GNB5: variants seen among roughly 807,000 people sequenced by gnomAD.
GNB5 encodes the protein guanine nucleotide-binding protein subunit beta-5.
In GNB5, 37 loss-of-function variants were observed where a neutral mutation model predicts 55.3. The observed-to-expected ratio is 0.67, with a 90% CI of 0.51 to 0.88. The LOEUF is 0.88. Among genes scored for constraint, GNB5 ranks in the 40% least tolerant of loss-of-function variants. The pLI is 0.00. For missense variants in GNB5, 476 were observed against 515.3 expected, an observed-to-expected ratio of 0.92 and a Z score of 0.74; for synonymous variants, 219 against 198.5, an observed-to-expected ratio of 1.10 and a Z score of -0.87.
Position 52,184,561 on chromosome 15 carries a change from C to T in GNB5, c.116G>A (p.Cys39Tyr). 6.2e-7 allele frequency: 1 copy of T among 1,613,514 alleles called. No individual in the cohort carries two copies. Among genetic ancestry groups the T allele is most frequent in the Non-Finnish European group, 8.5e-7 (1 of 1,179,586 alleles). Reference protein sequence around the residue: ...KSQQLSYCSTCAEIMATEGLH... With the variant: ...KSQQLSYCSTYAEIMATEGLH... ...TTAAGTGGCACTTACAATTTCTGCA[C>T]ATGTTGAACAGTAGCTGAGTTGTTG... is the stretch of plus-strand genomic sequence containing the variant. The change falls in exon 2 of 13, where the codon TGT (cysteine) becomes TAT (tyrosine). Residue 39 changes from cysteine to tyrosine, a missense_variant. By Grantham distance (194) the Cys-to-Tyr change is radical. Coordinates refer to ENST00000261837, the MANE Select transcript of GNB5 (RefSeq NM_016194.4).
rs375897043 is a variant in GNB5, at chr15:52,128,266, T to C, written c.864-22A>G. On this transcript the variant is annotated intron_variant, in intron 9 of 12. Transcript: ENST00000261837. ...GTACCTGCAGAGAGAAAGTACTTTA[T>C]CTACGGTTGTGACTCCTGACCCTGG... The C allele has an allele frequency of 5.7e-6, 9 of 1,567,402 alleles. No individual in the cohort carries two copies. In the African/African-American group the frequency reaches 1.2e-4, roughly 21 times the overall value.
At chr15:52,127,086 C>T (rs546999458) in intron 10 of GNB5, among the ~76,000 whole-genome samples, 32 of 152,260 alleles carry the variant, frequency 2.1e-4, no homozygotes, top group Middle Eastern at 3.4e-3. Context: ...CATGAACCAC[C>T]GTGCCTGGCC....
chr15:52,177,175 C>T (rs1452535214), intron 3 of GNB5, among the ~76,000 whole-genome samples: 1 of 151,480 alleles, frequency 6.6e-6, no homozygotes, highest in Non-Finnish European at 1.5e-5. Context: ...GCTGAGATTA[C>T]AGGCACCTGC....
chr15:52,179,395 G>T (rs2034716538), intron 3 of GNB5, among the ~76,000 whole-genome samples: 1 of 152,200 alleles, frequency 6.6e-6, no homozygotes, highest in Non-Finnish European at 1.5e-5. Context: ...GCGCCTACAC[G>T]GGCTCGCCGC....
intron 3 of GNB5, among the ~76,000 whole-genome samples, chr15:52,161,167 G>C (rs1242463804): frequency 2.0e-5 from 3 of 152,120 alleles, no homozygotes; most frequent in African/African-American, 4.8e-5. Flanking sequence ...GGATCCCTAA[G>C]AACATTTACA....
chr15:52,180,271 C>T (rs2034746129), intron 2 of GNB5: 1 of 155,904 alleles, frequency 6.4e-6, no homozygotes, highest in Non-Finnish European at 1.4e-5. Context: ...GCCCCCGCGA[C>T]ATGGCCCTCC....
intron 1 of GNB5, among the ~76,000 whole-genome samples, chr15:52,187,988 G>T (rs2034870057): frequency 6.6e-6 from 1 of 151,646 alleles, no homozygotes. Context: ...ATAAATAAGT[G>T]GAAACAGAAG....
Position 52,118,055 on chromosome 15 carries a change from C to T in GNB5, c.*4702G>A, listed in dbSNP as rs745644569. Reference sequence around the variant, plus strand: ...TTGAAAGGATTTTCAGGTCACAGGCCTCAGCTGGTCCCTAGCCCTTCCGAC... The same window carrying T: ...TTGAAAGGATTTTCAGGTCACAGGCTTCAGCTGGTCCCTAGCCCTTCCGAC... On this transcript the variant is annotated 3_prime_UTR_variant, in exon 13 of 13. Coordinates refer to ENST00000261837, the MANE Select transcript of GNB5 (RefSeq NM_016194.4). The T allele has an allele frequency of 3.3e-5, 5 of 153,008 alleles. No homozygotes were observed. Among genetic ancestry groups the T allele is most frequent in the African/African-American group, 4.8e-5 (2 of 41,484 alleles). The allele number at this position is 153,008 out of a possible 1,614,324, so 9.5% of individuals were successfully genotyped here.
At chr15:52,174,934 T>A (rs1379634246) in intron 3 of GNB5, among the ~76,000 whole-genome samples, 1 of 151,956 alleles carries the variant, frequency 6.6e-6, no homozygotes, top group South Asian at 2.1e-4. Context: ...ATACAAAAAT[T>A]AGCTGGGCGA....
chr15:52,124,703 A>G, intron 11 of GNB5, 64 bp from the exon 12 acceptor site: 1 of 1,334,360 alleles, frequency 7.5e-7, no homozygotes, highest in South Asian at 1.3e-5. Context: ...TCATTACATG[A>G]CTGTTACTCA....
At chr15:52,137,084 C>G (rs992767295) in intron 7 of GNB5, 3 of 525,240 alleles carry the variant, frequency 5.7e-6, no homozygotes, top group Non-Finnish European at 6.5e-6. Flanking sequence ...AATCACCAAG[C>G]CTGGACCCTG....
At chr15:52,179,615 C>T (rs2141239818) in intron 3 of GNB5, among the ~76,000 whole-genome samples, 153 bp downstream of exon 3, 1 of 151,600 alleles carries the variant, frequency 6.6e-6, no homozygotes, top group African/African-American at 2.4e-5. Flanking sequence ...CGCGCCTCAC[C>T]TGCGCGCCCG....
At chr15:52,180,025 C>G in intron 2 of GNB5, 146 bp from the exon 3 acceptor site, 1 of 1,067,274 alleles carries the variant, frequency 9.4e-7, no homozygotes, top group East Asian at 3.8e-5. Flanking sequence ...GCGGGCCCGG[C>G]TGCTGCGCCT....
intron 3 of GNB5, 125 bp from the exon 4 acceptor site, chr15:52,154,201 A>G: frequency 1.3e-6 from 1 of 761,192 alleles, no homozygotes. Context: ...ATAACAAGCC[A>G]CAGCTTGATT....
intron 3 of GNB5, among the ~76,000 whole-genome samples, chr15:52,176,523 C>T (rs74015617): frequency 0.019 from 2,860 of 152,228 alleles, 85 homozygotes; most frequent in African/African-American, 0.067. Flanking sequence ...TAGGAAGGAG[C>T]TGGGCGAGTC....
chr15:52,169,410 C>T (rs11856177), intron 3 of GNB5, among the ~76,000 whole-genome samples: 20,344 of 147,740 alleles, frequency 0.14, 1,708 homozygotes, highest in Admixed American at 0.25. Context: ...TGGTGGTGGG[C>T]ACCTGTAATC....
intron 3 of GNB5, among the ~76,000 whole-genome samples, chr15:52,179,216 T>C (rs1433773628): frequency 2.0e-5 from 3 of 152,048 alleles, no homozygotes; most frequent in African/African-American, 7.2e-5. Flanking sequence ...AGCTCCTCCG[T>C]TTCCCTTCTC....
intron 3 of GNB5, among the ~76,000 whole-genome samples, chr15:52,175,370 T>C (rs925317151): frequency 1.3e-5 from 2 of 152,106 alleles, no homozygotes; most frequent in Non-Finnish European, 2.9e-5. Flanking sequence ...AAATGGGAAA[T>C]ATCTGCAGAG....
chr15:52,180,035 T>A, intron 2 of GNB5, 156 bp from the exon 3 acceptor site: 1 of 1,011,314 alleles, frequency 9.9e-7, no homozygotes, highest in Non-Finnish European at 1.3e-6. Context: ...CTGCTGCGCC[T>A]GAGCCCCAAG....
Sources: allele counts gnomAD v4.1 joint callset (sites outside exome capture counted in the v4.1 genomes callset), GRCh38; gene constraint gnomAD v4.1.1; transcripts MANE v1.5; gene names NCBI Gene and HGNC (gene_info 2026-07-23, HGNC 2026-07-21).